The following CDK6 variants were observed in gnomAD, a reference collection of about 807,000 sequenced individuals.
The protein encoded by CDK6 is cyclin dependent kinase 6.
A neutral mutation model predicts 37.1 loss-of-function variants in CDK6; 6 were observed. That is an observed-to-expected ratio of 0.16 (90% CI 0.09 to 0.32). The LOEUF is 0.32. CDK6 is among the 10% of genes least tolerant of loss of function. The pLI, the probability that CDK6 is intolerant of heterozygous loss-of-function variation, is 1.00. For missense variants in CDK6, 224 were observed against 418.9 expected (o/e 0.53, Z 4.06); for synonymous variants, 160 against 161.3 (o/e 0.99, Z 0.06).
At chr7:92,694,066 C>T (rs60259556) in intron 4 of CDK6, among the ~76,000 whole-genome samples, 2,111 of 152,188 alleles carry the variant, frequency 0.014, 44 homozygotes, top group African/African-American at 0.045. Flanking sequence ...GTGAACACCA[C>T]ACAGTATAGG....
intron 4 of CDK6, among the ~76,000 whole-genome samples, chr7:92,721,000 A>T (rs186305786): frequency 1.1e-4 from 16 of 152,328 alleles, no homozygotes; most frequent in African/African-American, 3.6e-4. Flanking sequence ...TTTTCCAATG[A>T]GAACAAATGT....
At chr7:92,824,731 A>G (rs1396769896) in intron 2 of CDK6, among the ~76,000 whole-genome samples, 1 of 152,130 alleles carries the variant, frequency 6.6e-6, no homozygotes, top group Non-Finnish European at 1.5e-5. Context: ...ATTATAAACT[A>G]CTTGAAAGCA....
chr7:92,679,643 T>A (rs912594371), intron 4 of CDK6, among the ~76,000 whole-genome samples: 4 of 152,244 alleles, frequency 2.6e-5, no homozygotes, highest in Non-Finnish European at 5.9e-5. Context: ...TTTCTCCCTA[T>A]AGAAAACTAG....
intron 5 of CDK6, among the ~76,000 whole-genome samples, chr7:92,643,921 C>T (rs1317660352): frequency 6.6e-6 from 1 of 152,192 alleles, no homozygotes; most frequent in East Asian, 1.9e-4. Context: ...CTATTTGTTT[C>T]TTCCCCATGG....
At chr7:92,763,541 C>T (rs1024219335) in intron 3 of CDK6, among the ~76,000 whole-genome samples, 1 of 152,220 alleles carries the variant, frequency 6.6e-6, no homozygotes. Flanking sequence ...TCCTAAGCAT[C>T]TCTTTAATTT....
At chr7:92,720,203 A>T (rs1251174375) in intron 4 of CDK6, among the ~76,000 whole-genome samples, 1 of 152,236 alleles carries the variant, frequency 6.6e-6, no homozygotes, top group Non-Finnish European at 1.5e-5. Flanking sequence ...AACAAGACTT[A>T]AAAAATATTC....
chr7:92,733,877 T>C (rs961997326), intron 3 of CDK6, among the ~76,000 whole-genome samples: 3 of 152,126 alleles, frequency 2.0e-5, no homozygotes, highest in Non-Finnish European at 4.4e-5. Flanking sequence ...TATGTATTTA[T>C]TTATTTTTAG....
At chr7:92,778,030 G>C (rs1799892934) in intron 2 of CDK6, among the ~76,000 whole-genome samples, 1 of 151,428 alleles carries the variant, frequency 6.6e-6, no homozygotes, top group Admixed American at 6.6e-5. Context: ...CTGCATTTCT[G>C]GGCTTTATGG....
intron 4 of CDK6, among the ~76,000 whole-genome samples, chr7:92,695,528 TAAGTTCCATGTG>T (rs1381515638): frequency 1.7e-4 from 26 of 152,236 alleles, no homozygotes; most frequent in Non-Finnish European, 1.9e-4. Context: ...GAGCAGCGGC[TAAGTTCCATGTG>T]AAGCCCCGCT....
intron 4 of CDK6, among the ~76,000 whole-genome samples, chr7:92,687,446 C>T (rs1797485788): frequency 6.6e-6 from 1 of 152,160 alleles, no homozygotes; most frequent in African/African-American, 2.4e-5. Context: ...TGCCCCCAAA[C>T]TCCAAAAAAT....
intron 5 of CDK6, among the ~76,000 whole-genome samples, chr7:92,639,709 A>G (rs1321236158): frequency 6.6e-6 from 1 of 152,136 alleles, no homozygotes; most frequent in Non-Finnish European, 1.5e-5. Flanking sequence ...TCATTTGCCA[A>G]CGGTTTCCTT....
intron 3 of CDK6, among the ~76,000 whole-genome samples, chr7:92,750,640 A>G (rs1799167060): frequency 6.6e-6 from 1 of 152,204 alleles, no homozygotes; most frequent in South Asian, 2.1e-4. Context: ...ACACAAATAA[A>G]TGAATTTACG....
intron 3 of CDK6, among the ~76,000 whole-genome samples, chr7:92,768,284 G>C (rs1799632286): frequency 6.6e-6 from 1 of 152,178 alleles, no homozygotes; most frequent in African/African-American, 2.4e-5. Flanking sequence ...CAAGTTAAAA[G>C]CCTTGAAAGA....
chr7:92,723,815 G>T (rs992600196), intron 4 of CDK6, among the ~76,000 whole-genome samples: 2 of 147,458 alleles, frequency 1.4e-5, no homozygotes, highest in Non-Finnish European at 3.0e-5. Context: ...TTTCCTCTAT[G>T]AAATAATTTG....
chr7:92,808,202 A>G (rs927239253), intron 2 of CDK6, among the ~76,000 whole-genome samples: 1 of 152,266 alleles, frequency 6.6e-6, no homozygotes, highest in Non-Finnish European at 1.5e-5. Flanking sequence ...TCATTAAATC[A>G]GCAGATGAGT....
At chr7:92,825,460 G>GCA (rs147959837) in intron 2 of CDK6, among the ~76,000 whole-genome samples, 19,322 of 148,478 alleles carry the variant, frequency 0.13, 1,261 homozygotes, top group South Asian at 0.2. Flanking sequence ...GCACATGCGT[G>GCA]CACACACACA....
chr7:92,608,812 G>C lies in CDK6; in HGVS notation c.*6328C>G, dbSNP rs920937306. The stretch of plus-strand genomic sequence containing the variant: ...GGGGCCGCACATAATTTCAGGCACC[G>C]GCAGGTGAGTGGGAGGCGGGGCCCC... On this transcript the variant is annotated 3_prime_UTR_variant, in exon 8 of 8. Coordinates refer to ENST00000424848, the MANE Select transcript of CDK6 (RefSeq NM_001145306.2). 31 of 232,024 alleles carry C rather than the reference G, an allele frequency of 1.3e-4. No homozygotes were observed. In the East Asian group the frequency reaches 1.5e-3, roughly 11 times the overall value. The allele number at this position is 232,024 out of a possible 1,614,324, so 14.4% of individuals were successfully genotyped here. A position where few individuals can be genotyped will look rare whatever the true frequency, so the allele number is the denominator to read the frequency against.
chr7:92,829,344 T>G (rs1164424798), intron 2 of CDK6, among the ~76,000 whole-genome samples: 2 of 152,240 alleles, frequency 1.3e-5, no homozygotes, highest in African/African-American at 4.8e-5. Flanking sequence ...GACTTTTAGT[T>G]TCCAGAGCCA....
At chr7:92,789,969 C>T (rs1166858713) in intron 2 of CDK6, among the ~76,000 whole-genome samples, 1 of 152,116 alleles carries the variant, frequency 6.6e-6, no homozygotes, top group Non-Finnish European at 1.5e-5. Flanking sequence ...CAATGTACCA[C>T]CACCACTATG....
Sources: allele counts gnomAD v4.1 joint callset (sites outside exome capture counted in the v4.1 genomes callset), GRCh38; gene constraint gnomAD v4.1.1; transcripts MANE v1.5; gene names NCBI Gene and HGNC (gene_info 2026-07-23, HGNC 2026-07-21).